The following PAIP1 variants were observed in gnomAD, a reference collection of about 807,000 sequenced individuals.
PAIP1 encodes poly(A) binding protein interacting protein 1, also known as polyadenylate-binding protein-interacting protein 1.
In PAIP1, 16 loss-of-function variants were observed where a neutral mutation model predicts 61.3. The ratio of observed to expected loss-of-function variants is 0.26; its 90% CI spans 0.18 to 0.40. The LOEUF (loss-of-function observed/expected upper bound fraction) is 0.40, where lower values mean the gene tolerates loss of function less well. Ranked by LOEUF, PAIP1 falls within the 10% of genes least tolerant of loss-of-function variation. PAIP1 has a pLI of 1.00. For synonymous variants in PAIP1, 187 were observed against 226.2 expected (o/e 0.83, Z 1.56); for missense variants, 416 against 600.9 (o/e 0.69, Z 3.22).
chr5:43,542,662 T>C (rs551628544), intron 4 of PAIP1, among the ~76,000 whole-genome samples: 1 of 152,008 alleles, frequency 6.6e-6, no homozygotes, highest in African/African-American at 2.4e-5. Context: ...GTGATAAAAG[T>C]GGCAATTCAA....
chr5:43,556,870 TC>T lies in PAIP1; in HGVS notation c.-25del. 7.2e-7 allele frequency: 1 copy of T among 1,392,416 alleles called. No homozygotes were observed. Among genetic ancestry groups the T allele is most frequent in the Non-Finnish European group, 9.3e-7 (1 of 1,077,542 alleles). The allele number at this position is 1,392,416 out of a possible 1,614,324, so 86.3% of individuals were successfully genotyped here. ...ATGCTCCTCCTCCTCCGCCTCCTCCTCCAGGGGCCGCTGCCGCTGCGCTCGC... is the reference window on the plus strand; with the variant it reads ...ATGCTCCTCCTCCTCCGCCTCCTCCTCAGGGGCCGCTGCCGCTGCGCTCGC... On this transcript the variant is annotated 5_prime_UTR_variant, in exon 1 of 11. Transcript: ENST00000306846.
intron 10 of PAIP1, among the ~76,000 whole-genome samples, chr5:43,528,299 G>A (rs1746785801): frequency 6.6e-6 from 1 of 152,124 alleles, no homozygotes; most frequent in African/African-American, 2.4e-5. Flanking sequence ...TCCATAACAT[G>A]ATTCTATCAA....
rs1340417445 is a variant in PAIP1, at chr5:43,555,910, C to G, written c.355G>C (p.Val119Leu). The G allele has an allele frequency of 1.9e-6, 3 of 1,613,766 alleles. No individual in the cohort carries two copies. In the African/African-American group the frequency reaches 4.0e-5, roughly 22 times the overall value. ...TTAGACATTAATACAGGAGCTACAA[C>G]CACCTGGGGCTTAGCCATTGCTGAC... ...SESAMAKPQV[V>L]VAPVLMSKLS... The change falls in exon 2 of 11, where the codon GTT (valine) becomes CTT (leucine). Residue 119 changes from valine to leucine, a missense_variant. Physicochemically the swap from Val to Leu is conservative, Grantham distance 32. Transcript: ENST00000306846.
At chr5:43,535,934 A>G (rs540929151) in intron 6 of PAIP1, among the ~76,000 whole-genome samples, 2 of 152,088 alleles carry the variant, frequency 1.3e-5, no homozygotes, top group African/African-American at 4.8e-5. Context: ...TTTAATGAAC[A>G]TGTCACTTTT....
rs760835280 is a variant in PAIP1 at position 43,529,825 on chromosome 5, T to A, written c.1307A>T (p.Tyr436Phe). ...GGATAAATCTGTTCCATTTTCTTCA[T>A]AATCTGGAAAAAAGTCCTCTCTTTC... is the stretch of plus-strand genomic sequence containing the variant. ...LLEREDFFPD[Y>F]EENGTDLSGA... The change falls in exon 10 of 11, where the codon TAT (tyrosine) becomes TTT (phenylalanine). Residue 436 changes from tyrosine to phenylalanine, a missense_variant. By Grantham distance (22) the Tyr-to-Phe change is conservative. Transcript: ENST00000306846. The A allele has an allele frequency of 1.3e-6, 2 of 1,582,150 alleles. No homozygotes were observed. The highest frequency in any genetic ancestry group is 4.5e-5 in the East Asian group (2 of 44,742).
At chr5:43,531,139 G>T (rs1746912404) in intron 9 of PAIP1, among the ~76,000 whole-genome samples, 2 of 152,040 alleles carry the variant, frequency 1.3e-5, no homozygotes, top group Admixed American at 6.6e-5. Flanking sequence ...GTGCCCCAGA[G>T]AATTTTTAAC....
intron 4 of PAIP1, among the ~76,000 whole-genome samples, chr5:43,540,368 C>T (rs923273140): frequency 2.7e-5 from 4 of 147,506 alleles, no homozygotes; most frequent in Non-Finnish European, 4.5e-5. Context: ...ACAACTTTGT[C>T]GGTAAGAGTT....
chr5:43,533,817 A>G (rs780651810), intron 8 of PAIP1, 25 bp from the exon 9 acceptor site: 1 of 1,310,590 alleles, frequency 7.6e-7, no homozygotes, highest in Non-Finnish European at 1.1e-6. Flanking sequence ...AGTGATAAAA[A>G]TATGTAATCA....
At chr5:43,543,732 CA>C (rs1475877314) in intron 3 of PAIP1, among the ~76,000 whole-genome samples, 1 of 149,320 alleles carries the variant, frequency 6.7e-6, no homozygotes. Context: ...CACTACACAT[CA>C]AAGATTGTTG....
chr5:43,549,352 C>T (rs1038411289), intron 2 of PAIP1, among the ~76,000 whole-genome samples: 1 of 152,276 alleles, frequency 6.6e-6, no homozygotes, highest in Non-Finnish European at 1.5e-5. Context: ...ATTGTATCTC[C>T]CAGAATTCCC....
intron 9 of PAIP1, among the ~76,000 whole-genome samples, chr5:43,530,254 G>A (rs1159975917): frequency 6.6e-6 from 1 of 152,234 alleles, no homozygotes; most frequent in East Asian, 1.9e-4. Flanking sequence ...CTGTTCCTCA[G>A]ATGAAGTTAA....
chr5:43,556,641 C>T lies in PAIP1; in HGVS notation c.206G>A (p.Gly69Glu). ...LRQPRTTPPP[G>E]AQCEVPASPQ... ...GCTGGCGGGGACCTCGCACTGGGCC[C>T]CTGGCGGCGGGGTCGTCCTGGGCTG... The change falls in exon 1 of 11, where the codon GGG becomes GAG. Residue 69 changes from glycine to glutamate, a missense_variant. Gly to Glu is a moderately conservative substitution (Grantham distance 98, BLOSUM62 -2). Transcript: ENST00000306846. The T allele has an allele frequency of 3.2e-6, 4 of 1,263,916 alleles. No homozygotes were observed. The highest frequency in any genetic ancestry group is 6.5e-5 in the South Asian group (2 of 30,726). 78.3% of individuals were successfully genotyped at this position (1,263,916 alleles called of 1,614,324 possible). A position where few individuals can be genotyped will look rare whatever the true frequency, so the allele number is the denominator to read the frequency against.
intron 4 of PAIP1, among the ~76,000 whole-genome samples, chr5:43,540,545 A>G (rs1268299841): frequency 6.6e-6 from 1 of 152,242 alleles, no homozygotes; most frequent in African/African-American, 2.4e-5. Flanking sequence ...GGAAAGGTTA[A>G]AACAGAAAAA....
intron 4 of PAIP1, 143 bp from the exon 5 acceptor site, chr5:43,539,178 C>A: frequency 1.7e-6 from 1 of 592,928 alleles, no homozygotes; most frequent in Non-Finnish European, 3.0e-6. Flanking sequence ...AGAAACTGTT[C>A]CTGACTATTG....
In PAIP1 at chr5:43,556,017, A is replaced by C. The variant is rs773691544; in HGVS notation, c.266-18T>G. The C allele has an allele frequency of 1.2e-6, 2 of 1,603,466 alleles. No individual in the cohort carries two copies. The highest frequency in any genetic ancestry group is 1.8e-5 in the Admixed American group (1 of 56,876). On this transcript the variant is annotated intron_variant, in intron 1 of 10. Coordinates refer to ENST00000306846, the MANE Select transcript of PAIP1 (RefSeq NM_006451.5). Reference sequence around the variant, plus strand: ...CGTTTGCTCTGCAAAAGAAAAAAAAACGGGGCGTCAGATGCATTCTTTCCT... The same window carrying C: ...CGTTTGCTCTGCAAAAGAAAAAAAACCGGGGCGTCAGATGCATTCTTTCCT...
At chr5:43,544,462 G>A (rs1006943506) in intron 3 of PAIP1, among the ~76,000 whole-genome samples, 5 of 152,082 alleles carry the variant, frequency 3.3e-5, no homozygotes, top group Admixed American at 6.6e-5. Context: ...ACGATTTAAA[G>A]ACAAGTTCTA....
chr5:43,549,043 C>T (rs1256061066), intron 2 of PAIP1, among the ~76,000 whole-genome samples: 1 of 152,148 alleles, frequency 6.6e-6, no homozygotes, highest in Non-Finnish European at 1.5e-5. Context: ...CGGGTTCAAG[C>T]TATTCCTGTA....
chr5:43,537,594 A>G (rs1487792074), intron 5 of PAIP1, among the ~76,000 whole-genome samples: 2 of 152,160 alleles, frequency 1.3e-5, no homozygotes, highest in African/African-American at 2.4e-5. Flanking sequence ...CATTTGATAG[A>G]TTCACATTGT....
intron 10 of PAIP1, among the ~76,000 whole-genome samples, chr5:43,528,991 CA>C (rs1746822266): frequency 6.6e-6 from 1 of 151,970 alleles, no homozygotes; most frequent in South Asian, 2.1e-4. Context: ...CTATAATTAA[CA>C]TCTTCTTATC....
Sources: gnomAD v4.1 joint callset for allele counts (sites outside exome capture counted in the v4.1 genomes callset) on GRCh38, gnomAD v4.1.1 for gene constraint, MANE v1.5 for transcripts, NCBI Gene and HGNC (gene_info 2026-07-23, HGNC 2026-07-21) for gene names.